The following SOS2 variants were observed in gnomAD, a reference collection of about 807,000 sequenced individuals.
SOS2 encodes son of sevenless homolog 2.
Under a neutral mutation model 148.2 loss-of-function variants are expected in SOS2, and 65 were observed. That is an observed-to-expected ratio of 0.44 (90% confidence interval 0.36 to 0.54). The LOEUF is 0.54. Among genes scored for constraint, SOS2 ranks in the 20% least tolerant of loss-of-function variants. SOS2 has a pLI of 0.00. For synonymous variants in SOS2, 539 were observed against 537.1 expected, an observed-to-expected ratio of 1.00 and a Z score of -0.05; for missense variants, 1,341 against 1,590.2, an observed-to-expected ratio of 0.84 and a Z score of 2.67.
At chr14:50,193,510 A>ATTATTTTTATTTT (rs1449954816) in intron 4 of SOS2, among the ~76,000 whole-genome samples, 23 of 152,260 alleles carry the variant, frequency 1.5e-4, no homozygotes, top group Admixed American at 4.6e-4. Context: ...AATACCTCAT[A>ATTATTTTTATTTT]TAGCCACATG....
chr14:50,188,999 G>C (rs1886016795), intron 4 of SOS2, among the ~76,000 whole-genome samples: 2 of 151,160 alleles, frequency 1.3e-5, no homozygotes, highest in African/African-American at 4.9e-5. Flanking sequence ...GGGAGGTCAA[G>C]GCTGCAGTTG....
intron 7 of SOS2, among the ~76,000 whole-genome samples, chr14:50,180,279 T>C (rs555692665): frequency 4.0e-4 from 60 of 149,036 alleles, no homozygotes; most frequent in African/African-American, 1.4e-3. Context: ...GCTGGGATTC[T>C]AGGCATGAGT....
rs879637674 is a variant in SOS2 at position 50,139,223 on chromosome 14, G to GT, written c.2786-440dup. On this transcript the variant is annotated intron_variant, in intron 17 of 22. Transcript: ENST00000216373. ...GTCTATAGGCTTATAAACTAATTCTGTTTTTTCAGAGACTGTAATTTAGAT... is the reference window on the plus strand; with the variant it reads ...GTCTATAGGCTTATAAACTAATTCTGTTTTTTTCAGAGACTGTAATTTAGAT... Among the ~76,000 whole-genome samples, 7 of 152,210 alleles carry GT rather than the reference G, an allele frequency of 4.6e-5. No homozygotes were observed. The South Asian group carries it at 8.3e-4, about 18-fold the overall frequency.
chr14:50,150,407 C>T (rs1884623192), intron 13 of SOS2, among the ~76,000 whole-genome samples, 177 bp from the exon 14 acceptor site: 1 of 152,134 alleles, frequency 6.6e-6, no homozygotes, highest in East Asian at 1.9e-4. Context: ...GAAACAAATC[C>T]GAGACATCGT....
At chr14:50,140,611 C>G (rs1385357348) in intron 16 of SOS2, among the ~76,000 whole-genome samples, 1 of 152,064 alleles carries the variant, frequency 6.6e-6, no homozygotes, top group African/African-American at 2.4e-5. Flanking sequence ...TGATGGAGAA[C>G]CATTCAGTCA....
intron 16 of SOS2, among the ~76,000 whole-genome samples, chr14:50,144,178 A>AG (rs1413559192): frequency 1.3e-5 from 2 of 152,008 alleles, no homozygotes; most frequent in Non-Finnish European, 2.9e-5. Context: ...AAATAACTTA[A>AG]TTGTCCCACA....
chr14:50,217,925 A>G (rs933449221), intron 1 of SOS2, among the ~76,000 whole-genome samples: 3 of 152,144 alleles, frequency 2.0e-5, no homozygotes, highest in South Asian at 4.1e-4. Flanking sequence ...ACTGCACTCC[A>G]GCCTGGGCGA....
intron 4 of SOS2, among the ~76,000 whole-genome samples, chr14:50,195,927 T>A (rs1342226381): frequency 6.6e-6 from 1 of 152,070 alleles, no homozygotes; most frequent in Non-Finnish European, 1.5e-5. Context: ...CCTGGGAGGC[T>A]GAGGCAGGAG....
At chr14:50,159,281 C>T in intron 10 of SOS2, 150 bp downstream of exon 10, 1 of 528,978 alleles carries the variant, frequency 1.9e-6, no homozygotes, top group Non-Finnish European at 3.4e-6. Flanking sequence ...ACCTTTAATT[C>T]CTTCTCTTAT....
chr14:50,180,962 T>C (rs1188850298), intron 6 of SOS2, among the ~76,000 whole-genome samples: 2 of 151,746 alleles, frequency 1.3e-5, no homozygotes, highest in African/African-American at 4.8e-5. Flanking sequence ...AAAACAAATT[T>C]TGAAAAAAAG....
chr14:50,213,904 A>AG (rs1465751873), intron 1 of SOS2, among the ~76,000 whole-genome samples: 1 of 151,822 alleles, frequency 6.6e-6, no homozygotes, highest in Non-Finnish European at 1.5e-5. Context: ...AAAAAAAAAA[A>AG]AGAGAAAAAA....
chr14:50,118,326 G>A lies in SOS2; in HGVS notation c.*18C>T. The A allele has an allele frequency of 1.3e-6, 2 of 1,584,054 alleles. No homozygotes were observed. The highest frequency in any genetic ancestry group is 1.1e-5 in the South Asian group (1 of 88,106). ...TTACAAATACCATTCCAGTGTCAAT[G>A]ACTACATATGGCTAAGGTCATTGGG... On this transcript the variant is annotated 3_prime_UTR_variant, in exon 23 of 23. Coordinates refer to ENST00000216373, the MANE Select transcript of SOS2 (RefSeq NM_006939.4).
intron 4 of SOS2, among the ~76,000 whole-genome samples, chr14:50,191,356 C>A (rs1352223358): frequency 6.6e-6 from 1 of 152,108 alleles, no homozygotes; most frequent in Non-Finnish European, 1.5e-5. Context: ...GCGGTCCTAA[C>A]TACTCTGAAG....
chr14:50,200,980 AG>A lies in SOS2; in HGVS notation c.317del (p.Pro106LeufsTer9). Reference protein sequence around the residue: ...KRKRRNPLLLPVDKIHPSLKE... With the variant: ...KRKRRNPLLLXVDKIHPSLKE... ...TCAACGAAGGATGGATTTTGTCCACAGGCAGTAAAAGAGGATTTCTTCGTTT... is the reference window on the plus strand; with the variant it reads ...TCAACGAAGGATGGATTTTGTCCACAGCAGTAAAAGAGGATTTCTTCGTTT... On this transcript the variant is annotated frameshift_variant, in exon 3 of 23. Transcript: ENST00000216373. LOFTEE classifies it high-confidence loss of function. The A allele has an allele frequency of 6.2e-7, 1 of 1,614,060 alleles. No individual in the cohort carries two copies. Among genetic ancestry groups the A allele is most frequent in the South Asian group, 1.1e-5 (1 of 91,068 alleles).
At chr14:50,180,964 G>GA (rs1566840745) in intron 6 of SOS2, among the ~76,000 whole-genome samples, 1 of 151,710 alleles carries the variant, frequency 6.6e-6, no homozygotes, top group Non-Finnish European at 1.5e-5. Context: ...AACAAATTTT[G>GA]AAAAAAAGAA....
chr14:50,223,908 T>G (rs539915503), intron 1 of SOS2, among the ~76,000 whole-genome samples: 8 of 151,940 alleles, frequency 5.3e-5, no homozygotes, highest in African/African-American at 1.9e-4. Flanking sequence ...GAAATGTAAA[T>G]TTGGTAATTA....
chr14:50,184,096 T>C (rs956698473), intron 5 of SOS2, among the ~76,000 whole-genome samples: 9 of 152,186 alleles, frequency 5.9e-5, no homozygotes, highest in African/African-American at 1.9e-4. Context: ...AGTAAAAATA[T>C]AGTATAATCT....
intron 21 of SOS2, among the ~76,000 whole-genome samples, chr14:50,129,751 G>A (rs2139509468): frequency 6.6e-6 from 1 of 152,196 alleles, no homozygotes; most frequent in African/African-American, 2.4e-5. Context: ...ATTTCTTCAA[G>A]GCCATACAGC....
intron 12 of SOS2, among the ~76,000 whole-genome samples, chr14:50,154,268 G>C (rs1297005761): frequency 1.3e-5 from 2 of 152,160 alleles, no homozygotes; most frequent in African/African-American, 2.4e-5. Flanking sequence ...ACAAAAATTA[G>C]AGGATTTGAA....
Sources: gnomAD v4.1 joint callset for allele counts (sites outside exome capture counted in the v4.1 genomes callset) on GRCh38, gnomAD v4.1.1 for gene constraint, MANE v1.5 for transcripts, NCBI Gene and HGNC (gene_info 2026-07-23, HGNC 2026-07-21) for gene names.